CACNA2D1: variants seen among roughly 807,000 people sequenced by gnomAD.
CACNA2D1 encodes the protein voltage-dependent calcium channel subunit alpha-2/delta-1.
CACNA2D1 carries 53 observed loss-of-function variants against 171.5 expected under a neutral mutation model. That is an observed-to-expected ratio of 0.31 (90% CI 0.25 to 0.39). The LOEUF is 0.39. Among genes scored for constraint, CACNA2D1 ranks in the 10% least tolerant of loss-of-function variants. The probability of loss-of-function intolerance (pLI) is 1.00; values close to 1 mark genes in which losing one functional copy is unlikely to be tolerated. For synonymous variants in CACNA2D1, 442 were observed against 443.1 expected (o/e 1.00, Z 0.03); for missense variants, 903 against 1,299.8 (o/e 0.69, Z 4.69).
intron 5 of CACNA2D1, among the ~76,000 whole-genome samples, chr7:82,121,077 G>C (rs1470638543): frequency 6.6e-6 from 1 of 151,900 alleles, no homozygotes; most frequent in African/African-American, 2.4e-5. Flanking sequence ...GTTTTGTTTT[G>C]AATCAGGATC....
intron 3 of CACNA2D1, among the ~76,000 whole-genome samples, chr7:82,172,333 C>CA (rs1475277612): frequency 1.3e-4 from 19 of 151,706 alleles, no homozygotes. Context: ...AAAAATGAAG[C>CA]AAAACATGAA....
chr7:81,991,199 A>C lies in CACNA2D1; in HGVS notation c.1782T>G (p.Asn594Lys), dbSNP rs1330668780. The stretch of plus-strand genomic sequence containing the variant: ...CAGTTAATTACCTGTAATCTGTGCC[A>C]TTGACAGGTGTCCATGTGTATGTCC... Reference protein sequence around the residue: ...GNRTYTWTPVNGTDYSLALVL... With the variant: ...GNRTYTWTPVKGTDYSLALVL... Residue 594 changes from asparagine (N) to lysine (K), a missense_variant, in exon 21 of 39, where the codon AAT (asparagine) becomes AAG (lysine). Physicochemically the swap from Asn to Lys is moderately conservative, Grantham distance 94. Coordinates refer to ENST00000356860, the MANE Select transcript of CACNA2D1 (RefSeq NM_000722.4). 6.7e-7 allele frequency: 1 copy of C among 1,501,780 alleles called. No individual in the cohort carries two copies. Among genetic ancestry groups the C allele is most frequent in the South Asian group, 1.1e-5 (1 of 88,810 alleles). 93.0% of individuals were successfully genotyped at this position (1,501,780 alleles called of 1,614,324 possible). A position where few individuals can be genotyped will look rare whatever the true frequency, so the allele number is the denominator to read the frequency against.
intron 1 of CACNA2D1, chr7:82,410,602 G>C (rs1002773654): frequency 1.6e-5 from 12 of 763,376 alleles, no homozygotes; most frequent in Non-Finnish European, 1.8e-5. Flanking sequence ...CACCTGTCAA[G>C]GGAGGCAGAC....
intron 3 of CACNA2D1, among the ~76,000 whole-genome samples, chr7:82,175,247 A>G (rs1483707773): frequency 6.6e-6 from 1 of 152,062 alleles, no homozygotes; most frequent in Non-Finnish European, 1.5e-5. Flanking sequence ...TCTTGTTTAT[A>G]TACAAAGATT....
intron 3 of CACNA2D1, among the ~76,000 whole-genome samples, chr7:82,249,168 T>C (rs1450616482): frequency 2.0e-5 from 3 of 150,510 alleles, no homozygotes; most frequent in Non-Finnish European, 4.4e-5. Context: ...TTTCCCAAGG[T>C]GTCATGGGAG....
chr7:82,118,552 A>G (rs1173529727), intron 5 of CACNA2D1, among the ~76,000 whole-genome samples: 1 of 152,130 alleles, frequency 6.6e-6, no homozygotes, highest in Non-Finnish European at 1.5e-5. Flanking sequence ...TTTTTCCAAT[A>G]ATACAATGAG....
chr7:82,150,747 G>A (rs3801743), intron 4 of CACNA2D1, among the ~76,000 whole-genome samples: 58,924 of 151,884 alleles, frequency 0.39, 11,960 homozygotes, highest in African/African-American at 0.52. Flanking sequence ...GTATTTAACT[G>A]AAGTAGAAAT....
intron 3 of CACNA2D1, among the ~76,000 whole-genome samples, chr7:82,215,970 C>G (rs2367913): frequency 0.02 from 3,068 of 152,140 alleles, 210 homozygotes; most frequent in Admixed American, 0.12. Context: ...AAAAAAGACA[C>G]AAAATAAATC....
At chr7:81,997,588 G>A (rs1308697074) in intron 18 of CACNA2D1, among the ~76,000 whole-genome samples, 1 of 151,054 alleles carries the variant, frequency 6.6e-6, no homozygotes, top group South Asian at 2.1e-4. Flanking sequence ...CATGGGAAAG[G>A]GGCAAAATAT....
chr7:82,438,686 T>C (rs892639708), intron 1 of CACNA2D1, among the ~76,000 whole-genome samples: 1 of 152,284 alleles, frequency 6.6e-6, no homozygotes. Context: ...TGCTCACAGA[T>C]AGTTCATGAA....
chr7:82,060,033 T>G (rs1806431793), intron 10 of CACNA2D1, among the ~76,000 whole-genome samples: 1 of 100,528 alleles, frequency 9.9e-6, no homozygotes, highest in African/African-American at 3.7e-5. Context: ...CATTAGGAGA[T>G]ATACCTAATG....
chr7:82,007,659 T>C lies in CACNA2D1; in HGVS notation c.1440+20A>G, dbSNP rs1799271083. ...CAGTTTGTCATTTATTATTATTAAT[T>C]TTATCAATTAACTTTTAACCTTTAA... On this transcript the variant is annotated intron_variant, in intron 16 of 38. Transcript: ENST00000356860. 2 of 1,244,920 alleles carry C rather than the reference T, an allele frequency of 1.6e-6. No homozygotes were observed. Among genetic ancestry groups the C allele is most frequent in the Non-Finnish European group, 2.3e-6 (2 of 851,434 alleles). The allele number at this position is 1,244,920 out of a possible 1,614,324, so 77.1% of individuals were successfully genotyped here. A position where few individuals can be genotyped will look rare whatever the true frequency, so the allele number is the denominator to read the frequency against.
intron 1 of CACNA2D1, among the ~76,000 whole-genome samples, chr7:82,418,205 T>C (rs1326312543): frequency 6.6e-6 from 1 of 151,964 alleles, no homozygotes; most frequent in Non-Finnish European, 1.5e-5. Flanking sequence ...AACCATCAAA[T>C]CTCATGAGAA....
chr7:82,162,984 C>T (rs759635830), intron 4 of CACNA2D1, among the ~76,000 whole-genome samples: 4 of 151,972 alleles, frequency 2.6e-5, no homozygotes, highest in Admixed American at 6.6e-5. Context: ...GCCAGGCCTT[C>T]GAGTCCTGGA....
At chr7:82,311,577 T>C (rs368887326) in intron 3 of CACNA2D1, among the ~76,000 whole-genome samples, 2 of 152,210 alleles carry the variant, frequency 1.3e-5, no homozygotes, top group South Asian at 4.1e-4. Flanking sequence ...TTGTAACAAT[T>C]GGGTAGAATA....
chr7:82,200,890 G>A (rs1799353621), intron 3 of CACNA2D1, among the ~76,000 whole-genome samples: 1 of 152,200 alleles, frequency 6.6e-6, no homozygotes, highest in African/African-American at 2.4e-5. Flanking sequence ...TTTGAGACAA[G>A]CAATCTTATG....
intron 12 of CACNA2D1, among the ~76,000 whole-genome samples, chr7:82,025,259 G>A (rs970673553): frequency 1.3e-5 from 2 of 151,536 alleles, no homozygotes; most frequent in Non-Finnish European, 3.0e-5. Flanking sequence ...ACAATATTAA[G>A]TCTTCCAATC....
intron 3 of CACNA2D1, among the ~76,000 whole-genome samples, chr7:82,271,218 T>A (rs1455167201): frequency 6.6e-6 from 1 of 151,992 alleles, no homozygotes; most frequent in East Asian, 1.9e-4. Context: ...CACCTCAAAT[T>A]CATCATGTAG....
chr7:82,021,885 A>G (rs1801258506), intron 12 of CACNA2D1, among the ~76,000 whole-genome samples: 1 of 151,994 alleles, frequency 6.6e-6, no homozygotes, highest in Non-Finnish European at 1.5e-5. Flanking sequence ...AGAAGAGAGC[A>G]GCAGAAAAAC....
Sources: allele counts gnomAD v4.1 joint callset (sites outside exome capture counted in the v4.1 genomes callset), GRCh38; gene constraint gnomAD v4.1.1; transcripts MANE v1.5; gene names NCBI Gene and HGNC (gene_info 2026-07-23, HGNC 2026-07-21).